SEC14L6: variants seen among roughly 807,000 people sequenced by gnomAD.
The protein encoded by SEC14L6 is SEC14-like protein 6.
In SEC14L6, 40 loss-of-function variants were observed where a neutral mutation model predicts 54.1. That is an observed-to-expected ratio of 0.74 (90% CI 0.57 to 0.96). The LOEUF (loss-of-function observed/expected upper bound fraction) is 0.96. Among genes scored for constraint, SEC14L6 ranks in the 40% least tolerant of loss-of-function variants. The pLI is 0.00. For missense variants in SEC14L6, 471 were observed against 498.3 expected, an observed-to-expected ratio of 0.95 and a Z score of 0.52; for synonymous variants, 171 against 198.4, an observed-to-expected ratio of 0.86 and a Z score of 1.16.
intron 1 of SEC14L6, among the ~76,000 whole-genome samples, chr22:30,545,173 C>T (rs866459701): frequency 1.3e-5 from 2 of 152,282 alleles, no homozygotes; most frequent in Middle Eastern, 3.4e-3. Flanking sequence ...CTTCAAGGGA[C>T]TCCTCCCAGG....
At chr22:30,545,553 C>T (rs558471065) in intron 1 of SEC14L6, among the ~76,000 whole-genome samples, 13 of 152,222 alleles carry the variant, frequency 8.5e-5, no homozygotes, top group African/African-American at 3.1e-4. Context: ...GGCCACCACA[C>T]CCAGCTATTT....
At chr22:30,534,834 G>A (rs1937095088) in intron 2 of SEC14L6, among the ~76,000 whole-genome samples, 1 of 152,028 alleles carries the variant, frequency 6.6e-6, no homozygotes, top group Admixed American at 6.6e-5. Flanking sequence ...AGACCAGCCT[G>A]GACAACATAG....
intron 2 of SEC14L6, among the ~76,000 whole-genome samples, chr22:30,538,052 G>C (rs754658676): frequency 6.6e-6 from 1 of 152,060 alleles, no homozygotes. Context: ...AGAAATGATG[G>C]AATTTGGCCA....
chr22:30,524,993 T>A lies in SEC14L6; in HGVS notation c.*4A>T. 1 of 1,429,188 alleles carries A rather than the reference T, an allele frequency of 7.0e-7. No homozygotes were observed. The highest frequency in any genetic ancestry group is 9.6e-7 in the Non-Finnish European group (1 of 1,036,316). 88.5% of individuals were successfully genotyped at this position (1,429,188 alleles called of 1,614,324 possible). A position where few individuals can be genotyped will look rare whatever the true frequency, so the allele number is the denominator to read the frequency against. ...GAGGAGGGTGTGGGGACCATGAGGT[T>A]CACCTAGAATTTCTCCATCTTCTCC... is the stretch of plus-strand genomic sequence containing the variant. On this transcript the variant is annotated 3_prime_UTR_variant, in exon 12 of 12. Coordinates refer to ENST00000402034, the MANE Select transcript of SEC14L6 (RefSeq NM_001193336.4).
intron 2 of SEC14L6, among the ~76,000 whole-genome samples, chr22:30,538,335 CAA>C (rs112815330): frequency 5.4e-5 from 5 of 92,904 alleles, no homozygotes. Flanking sequence ...TCCGTCTCAA[CAA>C]AAAAAAAAAA....
rs1029195295 is a variant in SEC14L6, at chr22:30,532,635, T to A, written c.313A>T (p.Ser105Cys). ...AGCAAGAGGCCTTTGGGGTCCAGGC[T>A]TCCCACAATGTGGTACCAGACAGGG... Reference protein sequence around the residue: ...GSPVWYHIVGSLDPKGLLLSA... With the variant: ...GSPVWYHIVGCLDPKGLLLSA... Residue 105 changes from serine to cysteine, a missense_variant, in exon 5 of 12, where the codon AGC (serine) becomes TGC (cysteine). By Grantham distance (112) the Ser-to-Cys change is moderately radical. Transcript: ENST00000402034. 1 of 1,550,744 alleles carries A rather than the reference T, an allele frequency of 6.4e-7. No individual in the cohort carries two copies. The highest frequency in any genetic ancestry group is 1.2e-5 in the South Asian group (1 of 84,072).
chr22:30,528,924 G>A (rs994118507), intron 8 of SEC14L6, among the ~76,000 whole-genome samples, 163 bp downstream of exon 8: 9 of 151,890 alleles, frequency 5.9e-5, no homozygotes, highest in Admixed American at 2.6e-4. Context: ...CTTCCCTCTC[G>A]GGGGCAGGCA....
rs192912436 is a variant in SEC14L6 at position 30,531,357 on chromosome 22, A to G, written c.519+546T>C. ...GGCAGGTGGAGTTTGCAGTGAGCCG[A>G]GATCACACCACTTGACTCCAACCTG... On this transcript the variant is annotated intron_variant, in intron 6 of 11. Transcript: ENST00000402034. Among the ~76,000 whole-genome samples the G allele has an allele frequency of 1.5e-4, 22 of 151,258 alleles. 1 individual carries two copies. Among genetic ancestry groups the G allele is most frequent in the Admixed American group, 1.4e-3 (21 of 15,156 alleles).
At position 30,543,164 on chromosome 22, in the gene SEC14L6, AC is replaced by A; in HGVS notation, c.54+3464del. On this transcript the variant is annotated intron_variant, in intron 1 of 11. Transcript: ENST00000402034. The stretch of plus-strand genomic sequence containing the variant: ...CTCTCAGACTTCCAGACCAACGTGG[AC>A]CCCGCAAGAGAGAGCGTGTCCTACA... The A allele has an allele frequency of 1.9e-6, 3 of 1,603,834 alleles. No individual in the cohort carries two copies. In the South Asian group the frequency reaches 3.3e-5, roughly 18 times the overall value.
At chr22:30,536,132 G>A (rs570627245) in intron 2 of SEC14L6, among the ~76,000 whole-genome samples, 2 of 152,152 alleles carry the variant, frequency 1.3e-5, no homozygotes, top group Admixed American at 1.3e-4. Context: ...AAAGTGTTGG[G>A]ATTACAGGTG....
chr22:30,535,473 A>T (rs1056653493), intron 2 of SEC14L6, among the ~76,000 whole-genome samples: 1 of 151,832 alleles, frequency 6.6e-6, no homozygotes, highest in Non-Finnish European at 1.5e-5. Context: ...AGTGGCGGGG[A>T]GAGAGTCTTG....
intron 1 of SEC14L6, chr22:30,543,632 A>T: frequency 6.2e-7 from 1 of 1,613,274 alleles, no homozygotes; most frequent in Non-Finnish European, 8.5e-7. Flanking sequence ...CACCTGAAGG[A>T]GCAGAGCTCA....
chr22:30,542,918 C>T (rs1380448869), intron 1 of SEC14L6: 3 of 1,601,050 alleles, frequency 1.9e-6, no homozygotes, highest in Non-Finnish European at 2.6e-6. Context: ...CCAGCAGATG[C>T]CGGCACCTAC....
At chr22:30,540,367 CTTTTTT>C (rs753718105) in intron 1 of SEC14L6, among the ~76,000 whole-genome samples, 135 of 114,042 alleles carry the variant, frequency 1.2e-3, no homozygotes, top group Middle Eastern at 4.8e-3. Context: ...CTTTTTGTTC[CTTTTTT>C]TTTTTTTTTT....
intron 1 of SEC14L6, chr22:30,543,651 C>T (rs754695722): frequency 4.2e-5 from 67 of 1,612,832 alleles, no homozygotes; most frequent in Non-Finnish European, 4.8e-5. Flanking sequence ...CAAATACCGC[C>T]GCTGAGAACA....
chr22:30,528,780 G>A (rs1221952208), intron 8 of SEC14L6, among the ~76,000 whole-genome samples: 1 of 152,122 alleles, frequency 6.6e-6, no homozygotes. Context: ...GACCAAGACA[G>A]AGCAGCTGAG....
chr22:30,546,706 T>G lies in SEC14L6; in HGVS notation c.-24A>C. ...ATGCTGCCCATGAATGGGTCCAGGC[T>G]CCACTCTGTGGCTCCCTCCAGGTGG... is the stretch of plus-strand genomic sequence containing the variant. On this transcript the variant is annotated 5_prime_UTR_variant, in exon 1 of 12. Transcript: ENST00000402034. The G allele has an allele frequency of 6.5e-7, 1 of 1,548,624 alleles. No homozygotes were observed. Among genetic ancestry groups the G allele is most frequent in the Non-Finnish European group, 8.7e-7 (1 of 1,145,510 alleles).
chr22:30,533,858 C>G, intron 3 of SEC14L6, 138 bp downstream of exon 3: 1 of 801,326 alleles, frequency 1.2e-6, no homozygotes. Context: ...TAGCACCAGG[C>G]CAGGTTTACC....
rs2085648165 is a variant in SEC14L6 at position 30,538,910 on chromosome 22, C to G, written c.55-8G>C. The G allele has an allele frequency of 6.5e-7, 1 of 1,549,134 alleles. No individual in the cohort carries two copies. Among genetic ancestry groups the G allele is most frequent in the South Asian group, 1.2e-5 (1 of 83,986 alleles). On this transcript the variant is annotated splice_region_variant and splice_polypyrimidine_tract_variant and intron_variant, in intron 1 of 11. Transcript: ENST00000402034. ...TTGGATGTTCTCCCGGAACTGAGGA[C>G]AGACAGGGAGAGACCTGGGTCAGAG...
Sources: allele counts gnomAD v4.1 joint callset (sites outside exome capture counted in the v4.1 genomes callset), GRCh38; gene constraint gnomAD v4.1.1; transcripts MANE v1.5; gene names NCBI Gene and HGNC (gene_info 2026-07-23, HGNC 2026-07-21).